The following TMEM132D variants were observed in gnomAD, a reference collection of about 807,000 sequenced individuals.
The protein encoded by TMEM132D is mature OL transmembrane protein.
In TMEM132D, 21 loss-of-function variants were observed where a neutral mutation model predicts 62.3. The observed-to-expected ratio is 0.34, with a 90% CI of 0.24 to 0.49. The LOEUF (loss-of-function observed/expected upper bound fraction) is 0.49. Ranked by LOEUF, TMEM132D falls within the 20% of genes least tolerant of loss-of-function variation. TMEM132D has a pLI of 0.99. For missense variants in TMEM132D, 1,346 were observed against 1,402.8 expected, an observed-to-expected ratio of 0.96 and a Z score of 0.65; for synonymous variants, 621 against 575.6, an observed-to-expected ratio of 1.08 and a Z score of -1.13.
At chr12:129,342,930 G>T (rs1304516603) in intron 3 of TMEM132D, among the ~76,000 whole-genome samples, 4 of 152,170 alleles carry the variant, frequency 2.6e-5, no homozygotes, top group African/African-American at 9.6e-5. Flanking sequence ...GAAACAAGAG[G>T]TGCTGGAGAG....
At chr12:129,120,035 T>TAA (rs112570681) in intron 5 of TMEM132D, among the ~76,000 whole-genome samples, 5 of 151,040 alleles carry the variant, frequency 3.3e-5, no homozygotes, top group African/African-American at 1.2e-4. Flanking sequence ...AGAGAAATAA[T>TAA]AAAAAAAAGA....
At chr12:129,332,848 C>T (rs1053232710) in intron 4 of TMEM132D, among the ~76,000 whole-genome samples, 2 of 151,974 alleles carry the variant, frequency 1.3e-5, no homozygotes, top group Non-Finnish European at 2.9e-5. Flanking sequence ...ATGTGGTTAC[C>T]GGTGTCTGGG....
At chr12:129,627,712 C>T (rs958185849) in intron 2 of TMEM132D, among the ~76,000 whole-genome samples, 18 of 152,120 alleles carry the variant, frequency 1.2e-4, no homozygotes, top group African/African-American at 4.3e-4. Flanking sequence ...TTAGACCAGG[C>T]ATGATGGCTC....
intron 4 of TMEM132D, among the ~76,000 whole-genome samples, chr12:129,253,965 A>G (rs1284859582): frequency 1.3e-5 from 2 of 152,242 alleles, no homozygotes; most frequent in Non-Finnish European, 2.9e-5. Context: ...CCCAAAAGGA[A>G]AAAGGAAACC....
intron 3 of TMEM132D, among the ~76,000 whole-genome samples, chr12:129,506,204 T>G (rs936757933): frequency 6.6e-6 from 1 of 152,204 alleles, no homozygotes; most frequent in Non-Finnish European, 1.5e-5. Context: ...TAGCAGTTCT[T>G]GTAGTGCTGG....
intron 4 of TMEM132D, among the ~76,000 whole-genome samples, chr12:129,328,447 A>G (rs1160715919): frequency 2.0e-5 from 3 of 152,214 alleles, no homozygotes; most frequent in Non-Finnish European, 2.9e-5. Context: ...TAATAACCAC[A>G]CGGTGAGCAA....
chr12:129,572,070 G>T (rs1877528770), intron 2 of TMEM132D, among the ~76,000 whole-genome samples: 2 of 152,290 alleles, frequency 1.3e-5, no homozygotes, highest in African/African-American at 4.8e-5. Flanking sequence ...CAGGATGACA[G>T]ACTCCCCTCT....
intron 3 of TMEM132D, among the ~76,000 whole-genome samples, chr12:129,368,013 G>T (rs1038906474): frequency 1.3e-5 from 2 of 152,054 alleles, no homozygotes; most frequent in African/African-American, 4.8e-5. Flanking sequence ...GGCTGGTCTT[G>T]AACTCCTGAC....
intron 5 of TMEM132D, among the ~76,000 whole-genome samples, chr12:129,152,672 G>T (rs935011471): frequency 6.6e-6 from 1 of 152,204 alleles, no homozygotes; most frequent in African/African-American, 2.4e-5. Flanking sequence ...GGAAGAGTCT[G>T]TGGGCCTGGG....
rs560164294 is a variant in TMEM132D, at chr12:129,227,958, C to T, written c.1300-18295G>A. On this transcript the variant is annotated intron_variant, in intron 4 of 8. Transcript: ENST00000422113. ...TTTTTTATGGCTGCATAGTATTCCACGGTGTATACGTTTATTACCTGATTT... is the reference window on the plus strand; with the variant it reads ...TTTTTTATGGCTGCATAGTATTCCATGGTGTATACGTTTATTACCTGATTT... Among the ~76,000 whole-genome samples, 59 of 152,260 alleles carry T rather than the reference C, an allele frequency of 3.9e-4. 1 individual carries two copies. The South Asian group carries it at 0.01, about 26-fold the overall frequency.
chr12:129,781,255 G>GCAACA (rs1368664358), intron 1 of TMEM132D, among the ~76,000 whole-genome samples: 4 of 151,972 alleles, frequency 2.6e-5, no homozygotes, highest in Non-Finnish European at 5.9e-5. Flanking sequence ...CTTAATCTAT[G>GCAACA]GTTGCGTCAC....
chr12:129,648,311 C>G (rs1879837496), intron 2 of TMEM132D, among the ~76,000 whole-genome samples: 1 of 152,104 alleles, frequency 6.6e-6, no homozygotes, highest in Non-Finnish European at 1.5e-5. Flanking sequence ...CTTTGACTCC[C>G]CATGATTTCA....
At chr12:129,883,158 CA>C (rs1372263698) in intron 1 of TMEM132D, among the ~76,000 whole-genome samples, 1 of 151,964 alleles carries the variant, frequency 6.6e-6, no homozygotes, top group African/African-American at 2.4e-5. Context: ...AGATGTCTCA[CA>C]AAAAAATTAC....
intron 5 of TMEM132D, chr12:129,111,267 G>A (rs1409309584): frequency 6.6e-6 from 1 of 152,312 alleles, no homozygotes; most frequent in Non-Finnish European, 1.5e-5. Flanking sequence ...CAGCCACCAG[G>A]AGATGGGGGG....
chr12:129,470,646 G>A (rs950319220), intron 3 of TMEM132D, among the ~76,000 whole-genome samples: 3 of 152,172 alleles, frequency 2.0e-5, no homozygotes, highest in Non-Finnish European at 2.9e-5. Context: ...TGTGCAAATC[G>A]TAAAGAGTTT....
At chr12:129,164,134 G>A (rs1164932881) in intron 5 of TMEM132D, among the ~76,000 whole-genome samples, 1 of 152,100 alleles carries the variant, frequency 6.6e-6, no homozygotes, top group African/African-American at 2.4e-5. Flanking sequence ...AAAACAGCCT[G>A]GACTGAAAAA....
In TMEM132D at chr12:129,547,705, T is replaced by C. The variant is rs148607202; in HGVS notation, c.969-16500A>G. On this transcript the variant is annotated intron_variant, in intron 2 of 8. Coordinates refer to ENST00000422113, the MANE Select transcript of TMEM132D (RefSeq NM_133448.3). ...ATGAGTAAATTGCTTAAACCTGTAATGTTGAAAGAGCACTTCTCATAGTGT... is the reference window on the plus strand; with the variant it reads ...ATGAGTAAATTGCTTAAACCTGTAACGTTGAAAGAGCACTTCTCATAGTGT... Among the ~76,000 whole-genome samples, 316 of 152,316 alleles carry C rather than the reference T, an allele frequency of 2.1e-3. 3 individuals carry two copies. Among genetic ancestry groups the C allele is most frequent in the African/African-American group, 7.2e-3 (298 of 41,558 alleles).
intron 2 of TMEM132D, among the ~76,000 whole-genome samples, chr12:129,611,208 G>A (rs1012280210): frequency 1.3e-5 from 2 of 152,146 alleles, no homozygotes; most frequent in Admixed American, 6.5e-5. Flanking sequence ...AACATCCTAT[G>A]AGGTAGGTAC....
In TMEM132D at chr12:129,084,484, G is replaced by A. The variant is rs769386298; in HGVS notation, c.1649+13C>T. 5.1e-6 allele frequency: 8 copies of A among 1,577,786 alleles called. No individual in the cohort carries two copies. In the South Asian group the frequency reaches 9.7e-5, roughly 19 times the overall value. On this transcript the variant is annotated intron_variant, in intron 6 of 8. Transcript: ENST00000422113. ...CTCCTTAGCCTGCCATGGAGTTTCA[G>A]GGACATACCCACCTCCTGCTGGAGA...
Sources: allele counts gnomAD v4.1 joint callset (sites outside exome capture counted in the v4.1 genomes callset), GRCh38; gene constraint gnomAD v4.1.1; transcripts MANE v1.5; gene names NCBI Gene and HGNC (gene_info 2026-07-23, HGNC 2026-07-21).